Variants in TBC1D16 observed in about 807,000 individuals in gnomAD.
TBC1D16 encodes CTD-2529O21.1.
Under a neutral mutation model 74.7 loss-of-function variants are expected in TBC1D16, and 58 were observed. That is an observed-to-expected ratio of 0.78 (90% CI 0.63 to 0.97). The LOEUF (loss-of-function observed/expected upper bound fraction) is 0.97. Among genes scored for constraint, TBC1D16 ranks in the 50% least tolerant of loss-of-function variants. The pLI is 0.00. For synonymous variants in TBC1D16, 493 were observed against 474.7 expected (o/e 1.04, Z -0.50); for missense variants, 1,014 against 1,079.5 (o/e 0.94, Z 0.85).
chr17:80,017,843 C>T (rs1173238797), intron 1 of TBC1D16, among the ~76,000 whole-genome samples: 1 of 152,156 alleles, frequency 6.6e-6, no homozygotes, highest in Non-Finnish European at 1.5e-5. Context: ...CAAACCAGCT[C>T]TCTGCCAACC....
Position 79,944,862 on chromosome 17 carries a change from G to A in TBC1D16, c.1908+46C>T, listed in dbSNP as rs990092098. ...AGGCAGGGTGGCCACGGTGGTTCAG[G>A]GGCCATGGTCCCAACCTCCCCAGCC... On this transcript the variant is annotated intron_variant, in intron 10 of 11. Transcript: ENST00000310924. This position sits in a 1 kb window ranked among gnomAD's most constrained non-coding sequence, Gnocchi z 7.7. The A allele has an allele frequency of 2.0e-6, 3 of 1,497,848 alleles. No homozygotes were observed. In the African/African-American group the frequency reaches 4.2e-5, roughly 21 times the overall value. The allele number at this position is 1,497,848 out of a possible 1,614,324, so 92.8% of individuals were successfully genotyped here.
intron 2 of TBC1D16, among the ~76,000 whole-genome samples, chr17:80,011,577 A>C (rs1598425065): frequency 1.3e-5 from 2 of 152,204 alleles, no homozygotes; most frequent in African/African-American, 2.4e-5. Flanking sequence ...CTGTAATCCC[A>C]GCACTTTGGG....
chr17:80,013,864 A>G (rs1331936859), intron 1 of TBC1D16, among the ~76,000 whole-genome samples: 1 of 152,080 alleles, frequency 6.6e-6, no homozygotes, highest in African/African-American at 2.4e-5. Context: ...CGAAAACTAG[A>G]ACATCTCCAG....
At chr17:79,947,910 G>C in intron 8 of TBC1D16, 79 bp from the exon 9 acceptor site, 3 of 1,245,800 alleles carry the variant, frequency 2.4e-6, no homozygotes, top group Non-Finnish European at 3.4e-6. Context: ...ACCCTGGGCC[G>C]TGGACCCTGC....
intron 3 of TBC1D16, among the ~76,000 whole-genome samples, chr17:80,002,119 C>G (rs887862363): frequency 6.6e-6 from 1 of 152,160 alleles, no homozygotes; most frequent in Admixed American, 6.5e-5. Flanking sequence ...GGCGACACCC[C>G]CAGGGCCTTC....
chr17:80,022,878 G>T (rs1407224259), intron 1 of TBC1D16, among the ~76,000 whole-genome samples: 1 of 147,308 alleles, frequency 6.8e-6, no homozygotes, highest in South Asian at 2.1e-4. Flanking sequence ...CAGGTGATCC[G>T]CCCGCCTCAA....
chr17:79,962,926 G>C (rs2033679931), intron 3 of TBC1D16, among the ~76,000 whole-genome samples: 1 of 152,064 alleles, frequency 6.6e-6, no homozygotes, highest in Non-Finnish European at 1.5e-5. Flanking sequence ...GCCAGGTGTG[G>C]TGGCATGAGC....
chr17:80,017,702 A>G (rs2036141673), intron 1 of TBC1D16, among the ~76,000 whole-genome samples: 1 of 150,014 alleles, frequency 6.7e-6, no homozygotes, highest in Admixed American at 6.6e-5. Context: ...AAAAAAAAAA[A>G]AGTAAAAACC....
At position 79,965,896 on chromosome 17, in the gene TBC1D16, G is replaced by A. The variant is rs554567214; in HGVS notation, c.780-13078C>T. ...CCATCCATAGATGGGCACTGAGCCC[G>A]CCCCACACATTGGCCTGGTCGCCTC... On this transcript the variant is annotated intron_variant, in intron 3 of 11. Coordinates refer to ENST00000310924, the MANE Select transcript of TBC1D16 (RefSeq NM_019020.4). Among the ~76,000 whole-genome samples the A allele has an allele frequency of 3.4e-4, 52 of 152,310 alleles. No homozygotes were observed. The South Asian group carries it at 9.1e-3, about 27-fold the overall frequency.
At chr17:79,960,944 C>T (rs1266869825) in intron 3 of TBC1D16, among the ~76,000 whole-genome samples, 6 of 152,036 alleles carry the variant, frequency 3.9e-5, no homozygotes, top group Non-Finnish European at 8.8e-5. Flanking sequence ...TCACACACAC[C>T]CCTACCATAT....
rs2034911014 is a variant in TBC1D16, at chr17:79,988,052, A to G, written c.779+22108T>C. Reference sequence around the variant, plus strand: ...GTGGGGGAGAATGAGACGATATTCAATATTTCCTTCTGATTCAAACGAAAT... The same window carrying G: ...GTGGGGGAGAATGAGACGATATTCAGTATTTCCTTCTGATTCAAACGAAAT... On this transcript the variant is annotated intron_variant, in intron 3 of 11. Transcript: ENST00000310924. This position sits in a 1 kb window ranked among gnomAD's most constrained non-coding sequence, Gnocchi z 5.7. Among the ~76,000 whole-genome samples the G allele has an allele frequency of 1.3e-5, 2 of 152,222 alleles. No individual in the cohort carries two copies. Among genetic ancestry groups the G allele is most frequent in the Admixed American group, 6.5e-5 (1 of 15,280 alleles).
intron 6 of TBC1D16, 108 bp from the exon 7 acceptor site, chr17:79,949,973 G>C: frequency 1.5e-6 from 2 of 1,338,636 alleles, no homozygotes; most frequent in African/African-American, 1.5e-5. Flanking sequence ...CCTTGATTCA[G>C]ATCTCTGCAA....
At position 79,947,844 on chromosome 17, in the gene TBC1D16, G is replaced by A; in HGVS notation, c.1542-13C>T. 6.2e-7 allele frequency: 1 copy of A among 1,610,340 alleles called. No homozygotes were observed. Among genetic ancestry groups the A allele is most frequent in the South Asian group, 1.1e-5 (1 of 90,920 alleles). On this transcript the variant is annotated splice_polypyrimidine_tract_variant and intron_variant, in intron 8 of 11. Transcript: ENST00000310924. ...CAGCAGGATCCTCCTGGGAGGCGGT[G>A]GAGACAGCAGTGGGTGGGGATGACC... is the stretch of plus-strand genomic sequence containing the variant.
At chr17:80,034,491 G>C (rs2036884620) in intron 1 of TBC1D16, among the ~76,000 whole-genome samples, 1 of 152,024 alleles carries the variant, frequency 6.6e-6, no homozygotes, top group African/African-American at 2.4e-5. Context: ...CGTGAGCCAC[G>C]GCGCCCAGCC....
In TBC1D16 at chr17:79,941,083, G is replaced by C; in HGVS notation, c.2080C>G (p.Arg694Gly). Residue 694 changes from arginine (R) to glycine (G), a missense_variant, in exon 12 of 12, where the codon CGC becomes GGC. Physicochemically the swap from Arg to Gly is moderately radical, Grantham distance 125. Coordinates refer to ENST00000310924, the MANE Select transcript of TBC1D16 (RefSeq NM_019020.4). This position sits in a 1 kb window ranked among gnomAD's most constrained non-coding sequence, Gnocchi z 4.3. ...RKARSLLYQF[R>G]LLPRIPCSLH... is the part of the protein sequence containing the mutation. Reference sequence around the variant, plus strand: ...CTGCAGGGGATCCGGGGCAGGAGGCGGAACTGGTACAGCAAACTCCTCGCC... The same window carrying C: ...CTGCAGGGGATCCGGGGCAGGAGGCCGAACTGGTACAGCAAACTCCTCGCC... 6.3e-7 allele frequency: 1 copy of C among 1,588,450 alleles called. No homozygotes were observed. Among genetic ancestry groups the C allele is most frequent in the Non-Finnish European group, 8.6e-7 (1 of 1,166,880 alleles).
chr17:79,962,742 T>A (rs1183248399), intron 3 of TBC1D16, among the ~76,000 whole-genome samples: 1 of 150,910 alleles, frequency 6.6e-6, no homozygotes, highest in Non-Finnish European at 1.5e-5. Context: ...GTGACCAGCC[T>A]GACCAACATG....
chr17:79,935,462 T>C lies in TBC1D16; in HGVS notation c.*5397A>G, dbSNP rs1272817157. The stretch of plus-strand genomic sequence containing the variant: ...CCCACAGCCCCCATCCAGCTCTCTT[T>C]TACACCTTCCCCTCCCCCATCTCAG... On this transcript the variant is annotated 3_prime_UTR_variant, in exon 12 of 12. Transcript: ENST00000310924. The C allele has an allele frequency of 6.6e-6, 1 of 152,284 alleles. No homozygotes were observed. The highest frequency in any genetic ancestry group is 1.5e-5 in the Non-Finnish European group (1 of 68,098). 9.4% of individuals were successfully genotyped at this position (152,284 alleles called of 1,614,324 possible). A position where few individuals can be genotyped will look rare whatever the true frequency, so the allele number is the denominator to read the frequency against.
intron 1 of TBC1D16, among the ~76,000 whole-genome samples, chr17:80,020,604 A>G (rs936889954): frequency 1.3e-5 from 2 of 149,750 alleles, no homozygotes; most frequent in East Asian, 1.9e-4. Flanking sequence ...AAATAAATAA[A>G]AATAAAAATT....
At chr17:80,021,341 G>A (rs1414738605) in intron 1 of TBC1D16, among the ~76,000 whole-genome samples, 2 of 149,526 alleles carry the variant, frequency 1.3e-5, no homozygotes, top group Non-Finnish European at 2.9e-5. Flanking sequence ...GTGTGTGCCT[G>A]TAATCCCAGC....
Sources: gnomAD v4.1 joint callset for allele counts (sites outside exome capture counted in the v4.1 genomes callset) on GRCh38, gnomAD v4.1.1 for gene constraint, Gnocchi (gnomAD v3.1) non-coding constraint, MANE v1.5 for transcripts, NCBI Gene and HGNC (gene_info 2026-07-23, HGNC 2026-07-21) for gene names.